Variants in PAFAH2 observed in about 807,000 individuals in gnomAD.
PAFAH2 encodes the protein platelet-activating factor acetylhydrolase 2, cytoplasmic.
PAFAH2 carries 42 observed loss-of-function variants against 49.0 expected under a neutral mutation model. That is an observed-to-expected ratio of 0.86 (90% confidence interval 0.67 to 1.11). The LOEUF (loss-of-function observed/expected upper bound fraction) is 1.11, where lower values mean the gene tolerates loss of function less well. Ranked by LOEUF, PAFAH2 falls within the 50% of genes least tolerant of loss-of-function variation. The pLI is 0.00. For missense variants in PAFAH2, 503 were observed against 501.8 expected (o/e 1.00, Z -0.02); for synonymous variants, 184 against 181.3 (o/e 1.01, Z -0.12).
intron 10 of PAFAH2, 81 bp from the exon 11 acceptor site, chr1:25,962,164 C>A: frequency 8.6e-7 from 1 of 1,157,360 alleles, no homozygotes; most frequent in South Asian, 1.4e-5. Flanking sequence ...TTGAAGGGGT[C>A]ATCCTAGAGA....
chr1:25,963,122 AAAAC>A (rs1449658333), intron 10 of PAFAH2, among the ~76,000 whole-genome samples: 1 of 152,190 alleles, frequency 6.6e-6, no homozygotes, highest in Non-Finnish European at 1.5e-5. Context: ...GTCCTTCCTC[AAAAC>A]AAACAGACTC....
At chr1:25,989,861 A>G (rs955554290) in intron 2 of PAFAH2, among the ~76,000 whole-genome samples, 1 of 152,202 alleles carries the variant, frequency 6.6e-6, no homozygotes, top group Admixed American at 6.5e-5. Flanking sequence ...CACCAAAAAT[A>G]TTTGAGTGCT....
In PAFAH2 at chr1:25,975,590, A is replaced by G. The variant is rs181321186; in HGVS notation, c.759-940T>C. Among the ~76,000 whole-genome samples, 63 of 152,214 alleles carry G rather than the reference A, an allele frequency of 4.1e-4. 1 individual carries two copies. The highest frequency in any genetic ancestry group is 5.1e-4 in the Non-Finnish European group (35 of 68,004). ...ACCCTGTCTCAGAGGGAAAAAAATA[A>G]GAAGAAAAACCTGGATTTCCTCTCT... On this transcript the variant is annotated intron_variant, in intron 8 of 10. Coordinates refer to ENST00000374282, the MANE Select transcript of PAFAH2 (RefSeq NM_000437.4).
chr1:25,991,274 T>C (rs2049870796), intron 1 of PAFAH2, among the ~76,000 whole-genome samples: 1 of 151,934 alleles, frequency 6.6e-6, no homozygotes, highest in Non-Finnish European at 1.5e-5. Context: ...TCTCAACCAC[T>C]CTCTGAGGTA....
chr1:25,974,679 C>T lies in PAFAH2; in HGVS notation c.759-29G>A, dbSNP rs150722808. ...GAATAGGACCAGACATTTGGAATTGCCATGCGGATCCCAGGCAAGAATAGT... is the reference window on the plus strand; with the variant it reads ...GAATAGGACCAGACATTTGGAATTGTCATGCGGATCCCAGGCAAGAATAGT... On this transcript the variant is annotated intron_variant, in intron 8 of 10. Coordinates refer to ENST00000374282, the MANE Select transcript of PAFAH2 (RefSeq NM_000437.4). 1,118 of 1,595,440 alleles carry T rather than the reference C, an allele frequency of 7.0e-4. 8 individuals carry two copies. Among genetic ancestry groups the T allele is most frequent in the Middle Eastern group, 5.9e-3 (35 of 5,956 alleles).
chr1:25,982,539 C>T lies in PAFAH2; in HGVS notation c.553-62G>A, dbSNP rs550945772. On this transcript the variant is annotated intron_variant, in intron 6 of 10. Transcript: ENST00000374282. ...CCACAACTGTCCAGCGAGAATCTCC[C>T]TCACGTACAGAGCCAAGGAAGAATG... The T allele has an allele frequency of 9.9e-4, 1,259 of 1,278,086 alleles. 18 individuals are homozygous for T. The South Asian group carries it at 0.014, about 15-fold the overall frequency. 79.2% of individuals were successfully genotyped at this position (1,278,086 alleles called of 1,614,324 possible).
chr1:25,993,325 G>C (rs1287102415), intron 1 of PAFAH2, among the ~76,000 whole-genome samples: 2 of 152,142 alleles, frequency 1.3e-5, no homozygotes, highest in Non-Finnish European at 2.9e-5. Context: ...AAGCATGTCT[G>C]GGTAAGAAGA....
At chr1:25,977,232 C>T (rs1351849095) in intron 7 of PAFAH2, among the ~76,000 whole-genome samples, 2 of 150,778 alleles carry the variant, frequency 1.3e-5, no homozygotes, top group East Asian at 2.0e-4. Context: ...ATCTCCTGAC[C>T]TCGTGATCCG....
At chr1:25,969,339 G>A (rs2049472999) in intron 10 of PAFAH2, among the ~76,000 whole-genome samples, 1 of 152,178 alleles carries the variant, frequency 6.6e-6, no homozygotes, top group South Asian at 2.1e-4. Flanking sequence ...TCCTGTCAAA[G>A]TTAGGAGACT....
intron 4 of PAFAH2, among the ~76,000 whole-genome samples, chr1:25,987,517 G>T (rs980244701): frequency 6.6e-6 from 1 of 152,144 alleles, no homozygotes; most frequent in African/African-American, 2.4e-5. Flanking sequence ...GGCTCCACAA[G>T]TGCAGGGAGC....
intron 10 of PAFAH2, among the ~76,000 whole-genome samples, chr1:25,971,034 G>C: frequency 6.6e-6 from 1 of 152,192 alleles, no homozygotes; most frequent in East Asian, 1.9e-4. Flanking sequence ...GAGAAGACTA[G>C]CATAGGTGAC....
intron 3 of PAFAH2, among the ~76,000 whole-genome samples, chr1:25,988,923 G>A (rs2049830879): frequency 6.6e-6 from 1 of 151,966 alleles, no homozygotes; most frequent in African/African-American, 2.4e-5. Flanking sequence ...GGAATTCCTA[G>A]GTGTGGGACC....
intron 1 of PAFAH2, chr1:25,997,741 G>C (rs2049956000): frequency 6.5e-6 from 1 of 152,976 alleles, no homozygotes; most frequent in Non-Finnish European, 1.5e-5. Flanking sequence ...TAGGGCCGAG[G>C]AATCAGGGTA....
In PAFAH2 at chr1:25,996,463, C is replaced by A. The variant is rs1325241127; in HGVS notation, c.-48+1562G>T. Among the ~76,000 whole-genome samples, 4 of 152,104 alleles carry A rather than the reference C, an allele frequency of 2.6e-5. No individual in the cohort carries two copies. In the East Asian group the frequency reaches 7.7e-4, roughly 29 times the overall value. The stretch of plus-strand genomic sequence containing the variant: ...GACCATCCTGGCTAACACGGTGAAA[C>A]CCTGTCTGTACTAAAAAAAATACAA... On this transcript the variant is annotated intron_variant, in intron 1 of 10. Coordinates refer to ENST00000374282, the MANE Select transcript of PAFAH2 (RefSeq NM_000437.4).
intron 7 of PAFAH2, among the ~76,000 whole-genome samples, chr1:25,979,834 C>T (rs149965481): frequency 0.011 from 1,658 of 152,296 alleles, 32 homozygotes; most frequent in African/African-American, 0.038. Context: ...CCACGTTGGC[C>T]AGGCTGGTAT....
At chr1:25,991,841 C>T (rs536466503) in intron 1 of PAFAH2, among the ~76,000 whole-genome samples, 12 of 151,992 alleles carry the variant, frequency 7.9e-5, no homozygotes, top group Admixed American at 3.3e-4. Context: ...TGCAGTGAGC[C>T]GAGATTGCAC....
rs536830817 is a variant in PAFAH2 at position 25,972,764 on chromosome 1, A to G, written c.930-52T>C. ...GGGGTCTGGCGGCTAGGGCATACAG[A>G]TGTGTGTTAGGCACCTACTATGTGC... On this transcript the variant is annotated intron_variant, in intron 9 of 10. Coordinates refer to ENST00000374282, the MANE Select transcript of PAFAH2 (RefSeq NM_000437.4). The G allele has an allele frequency of 1.8e-5, 29 of 1,600,726 alleles. No homozygotes were observed. The African/African-American group carries it at 2.3e-4, about 13-fold the overall frequency.
At chr1:25,968,262 G>A (rs986259234) in intron 10 of PAFAH2, among the ~76,000 whole-genome samples, 1 of 152,084 alleles carries the variant, frequency 6.6e-6, no homozygotes, top group African/African-American at 2.4e-5. Context: ...TGTGTTGGGG[G>A]GTTGGCCTTA....
intron 5 of PAFAH2, 145 bp from the exon 6 acceptor site, chr1:25,984,232 T>G (rs1279327251): frequency 2.1e-6 from 2 of 959,028 alleles, no homozygotes; most frequent in Non-Finnish European, 3.2e-6. Context: ...CATAGGGAAG[T>G]GGAAAAAATA....
Sources: allele counts gnomAD v4.1 joint callset (sites outside exome capture counted in the v4.1 genomes callset), GRCh38; gene constraint gnomAD v4.1.1; transcripts MANE v1.5; gene names NCBI Gene and HGNC (gene_info 2026-07-23, HGNC 2026-07-21).